Variants in TBC1D22B observed in about 807,000 individuals in gnomAD.
TBC1D22B encodes TBC1 domain family member 22B.
TBC1D22B carries 32 observed loss-of-function variants against 69.1 expected under a neutral mutation model. That is an observed-to-expected ratio of 0.46 (90% confidence interval 0.35 to 0.62). TBC1D22B has a LOEUF of 0.62. Ranked by LOEUF, TBC1D22B falls within the 20% of genes least tolerant of loss-of-function variation. The pLI, the probability that TBC1D22B is intolerant of heterozygous loss-of-function variation, is 0.00. For missense variants in TBC1D22B, 462 were observed against 630.9 expected (o/e 0.73, Z 2.87); for synonymous variants, 206 against 229.8 (o/e 0.90, Z 0.94).
intron 8 of TBC1D22B, among the ~76,000 whole-genome samples, chr6:37,310,926 G>A (rs1167436679): frequency 1.3e-5 from 2 of 152,068 alleles, no homozygotes; most frequent in African/African-American, 4.8e-5. Flanking sequence ...TACCACCTGG[G>A]GAATAAATAC....
chr6:37,317,271 G>A, intron 12 of TBC1D22B, 65 bp downstream of exon 12: 1 of 1,472,708 alleles, frequency 6.8e-7, no homozygotes, highest in Non-Finnish European at 9.3e-7. Context: ...GCCCCTCAGT[G>A]GGCAGTGCAG....
chr6:37,315,840 G>GCTGGGATTACAGGTGTGAGCCACAGCAC (rs1768062174), intron 10 of TBC1D22B, among the ~76,000 whole-genome samples: 1 of 152,180 alleles, frequency 6.6e-6, no homozygotes, highest in Non-Finnish European at 1.5e-5. Flanking sequence ...CTCCCTAAGT[G>GCTGGGATTACAGGTGTGAGCCACAGCAC]CTGGGATTAC....
chr6:37,291,795 C>T (rs924731484), intron 8 of TBC1D22B, among the ~76,000 whole-genome samples: 5 of 152,126 alleles, frequency 3.3e-5, no homozygotes, highest in Non-Finnish European at 5.9e-5. Flanking sequence ...ACAGCACATA[C>T]GGGAAGTGAT....
At chr6:37,295,178 A>G (rs1767323488) in intron 8 of TBC1D22B, among the ~76,000 whole-genome samples, 1 of 151,882 alleles carries the variant, frequency 6.6e-6, no homozygotes, top group African/African-American at 2.4e-5. Context: ...TCATAGCTCA[A>G]ACTGTAACCT....
At chr6:37,271,582 A>C (rs1331907815) in intron 2 of TBC1D22B, among the ~76,000 whole-genome samples, 2 of 152,198 alleles carry the variant, frequency 1.3e-5, no homozygotes, top group Non-Finnish European at 2.9e-5. Flanking sequence ...ACCTAAAACT[A>C]TTCTAAATAT....
At chr6:37,267,512 A>AATATATATATACACTATATATATAAT (rs1766342270) in intron 1 of TBC1D22B, among the ~76,000 whole-genome samples, 1 of 136,610 alleles carries the variant, frequency 7.3e-6, no homozygotes. Flanking sequence ...CTATATATAT[A>AATATATATATACACTATATATATAAT]ATATATATAT....
In TBC1D22B at chr6:37,317,385, G is replaced by T. The variant is rs1310188152; in HGVS notation, c.1389+179G>T. ...TGGCAGGAAGTCACTGGAGCCCAGG[G>T]GTTCTTCAGTGTGAGAAGGGTGTTT... is the stretch of plus-strand genomic sequence containing the variant. On this transcript the variant is annotated intron_variant, in intron 12 of 12. Coordinates refer to ENST00000373491, the MANE Select transcript of TBC1D22B (RefSeq NM_017772.4). Among the ~76,000 whole-genome samples, 4 of 152,174 alleles carry T rather than the reference G, an allele frequency of 2.6e-5. No individual in the cohort carries two copies. The highest frequency in any genetic ancestry group is 2.0e-4 in the Admixed American group (3 of 15,284).
At chr6:37,305,394 G>A (rs1767680623) in intron 8 of TBC1D22B, among the ~76,000 whole-genome samples, 1 of 152,134 alleles carries the variant, frequency 6.6e-6, no homozygotes, top group Non-Finnish European at 1.5e-5. Context: ...GCAAGACGTG[G>A]AACGTTTCTA....
chr6:37,275,224 C>T (rs1766631897), intron 2 of TBC1D22B, among the ~76,000 whole-genome samples: 1 of 152,196 alleles, frequency 6.6e-6, no homozygotes, highest in South Asian at 2.1e-4. Flanking sequence ...CTGGGGTCAA[C>T]AGAAAGGGGT....
intron 8 of TBC1D22B, among the ~76,000 whole-genome samples, chr6:37,312,230 T>C (rs1396785533): frequency 2.6e-5 from 4 of 152,232 alleles, no homozygotes; most frequent in African/African-American, 9.6e-5. Context: ...ATCTCCAAGA[T>C]GGGGATATCT....
At chr6:37,267,689 T>C (rs1218159425) in intron 1 of TBC1D22B, among the ~76,000 whole-genome samples, 1 of 151,646 alleles carries the variant, frequency 6.6e-6, no homozygotes, top group Non-Finnish European at 1.5e-5. Context: ...CCATGAGTAA[T>C]GATGAAATTA....
At chr6:37,314,396 T>C (rs1175442985) in intron 10 of TBC1D22B, among the ~76,000 whole-genome samples, 1 of 152,178 alleles carries the variant, frequency 6.6e-6, no homozygotes, top group Admixed American at 6.5e-5. Flanking sequence ...CTGGGCTTGA[T>C]ATGGGGTCCT....
At chr6:37,285,063 A>G (rs114291652) in intron 6 of TBC1D22B, among the ~76,000 whole-genome samples, 4,028 of 152,216 alleles carry the variant, frequency 0.026, 63 homozygotes, top group Non-Finnish European at 0.038. Context: ...GTCTGCTCCC[A>G]ACATCACATG....
chr6:37,288,035 A>G (rs913210383), intron 7 of TBC1D22B, among the ~76,000 whole-genome samples: 1 of 152,240 alleles, frequency 6.6e-6, no homozygotes, highest in Non-Finnish European at 1.5e-5. Flanking sequence ...TACAGTAGCC[A>G]GGACACTAAG....
In TBC1D22B at chr6:37,332,268, G is replaced by GC; in HGVS notation, c.*1102dup. 1 of 145,308 alleles carries GC rather than the reference G, an allele frequency of 6.9e-6. No homozygotes were observed. The allele number at this position is 145,308 out of a possible 1,614,324, so 9.0% of individuals were successfully genotyped here. A position where few individuals can be genotyped will look rare whatever the true frequency, so the allele number is the denominator to read the frequency against. On this transcript the variant is annotated 3_prime_UTR_variant, in exon 13 of 13. Transcript: ENST00000373491. ...TCCTCCTCGCCCCTTTCTTCACCCC[G>GC]CCCCCCAACCCCCAGACTTTCCTGG... is the stretch of plus-strand genomic sequence containing the variant.
chr6:37,331,120 C>T lies in TBC1D22B; in HGVS notation c.1466C>T (p.Ala489Val). The T allele has an allele frequency of 6.2e-7, 1 of 1,614,146 alleles. No individual in the cohort carries two copies. Among genetic ancestry groups the T allele is most frequent in the Non-Finnish European group, 8.5e-7 (1 of 1,179,992 alleles). ...GAAATTGGGCTGCTTCTCGCCGAGGCATACAGACTCAAGTACATGTTTGCC... is the reference window on the plus strand; with the variant it reads ...GAAATTGGGCTGCTTCTCGCCGAGGTATACAGACTCAAGTACATGTTTGCC... ...NEEIGLLLAE[A>V]YRLKYMFADA... Residue 489 changes from alanine (A) to valine (V), a missense_variant, in exon 13 of 13, where the codon GCA becomes GTA. Transcript: ENST00000373491.
chr6:37,284,756 T>C (rs1766951072), intron 6 of TBC1D22B, among the ~76,000 whole-genome samples: 1 of 152,188 alleles, frequency 6.6e-6, no homozygotes, highest in African/African-American at 2.4e-5. Flanking sequence ...TATGAGAAAA[T>C]GCAGATTCTG....
At chr6:37,298,003 C>T (rs952744800) in intron 8 of TBC1D22B, among the ~76,000 whole-genome samples, 1 of 152,080 alleles carries the variant, frequency 6.6e-6, no homozygotes. Flanking sequence ...AATGAGAACA[C>T]ATGGACACAG....
At chr6:37,292,280 G>A (rs2113754086) in intron 8 of TBC1D22B, among the ~76,000 whole-genome samples, 1 of 152,302 alleles carries the variant, frequency 6.6e-6, no homozygotes. Flanking sequence ...AGGGGTTAGA[G>A]GGTTGGGTAA....
Sources: allele counts gnomAD v4.1 joint callset (sites outside exome capture counted in the v4.1 genomes callset), GRCh38; gene constraint gnomAD v4.1.1; transcripts MANE v1.5; gene names NCBI Gene and HGNC (gene_info 2026-07-23, HGNC 2026-07-21).